Variants in ATP13A4 observed in about 807,000 individuals in gnomAD.
The protein encoded by ATP13A4 is probable cation-transporting ATPase 13A4.
In ATP13A4, 114 loss-of-function variants were observed where a neutral mutation model predicts 142.5. The ratio of observed to expected loss-of-function variants is 0.80; its 90% CI spans 0.69 to 0.93. ATP13A4 has a LOEUF of 0.93. ATP13A4 is among the 40% of genes least tolerant of loss of function. The pLI is 0.00. For missense variants in ATP13A4, 1,392 were observed against 1,454.0 expected (o/e 0.96, Z 0.69); for synonymous variants, 488 against 514.8 (o/e 0.95, Z 0.70).
intron 1 of ATP13A4, among the ~76,000 whole-genome samples, chr3:193,528,950 G>A (rs929075991): frequency 1.3e-5 from 2 of 151,996 alleles, no homozygotes; most frequent in Non-Finnish European, 2.9e-5. Context: ...TGGACCTACC[G>A]ATGTCCTCTA....
At chr3:193,403,669 A>C in intron 29 of ATP13A4, 1 of 793,944 alleles carries the variant, frequency 1.3e-6, no homozygotes, top group South Asian at 5.8e-5. Flanking sequence ...ATGCCATTTT[A>C]TTTCATGAGT....
rs150389156 is a variant in ATP13A4, at chr3:193,476,775, A to AAG, written c.809-5784_809-5783dup. ...CACAGGGAGTAGGGAGGCCTGAGGA[A>AAG]AGAGAGAGAGAGAGACAGGAATGGC... On this transcript the variant is annotated intron_variant, in intron 8 of 29. Transcript: ENST00000342695. Among the ~76,000 whole-genome samples, 129 of 151,004 alleles carry AAG rather than the reference A, an allele frequency of 8.5e-4. 3 individuals are homozygous for AAG. The highest frequency in any genetic ancestry group is 2.5e-3 in the African/African-American group (105 of 41,260).
Position 193,410,997 on chromosome 3 carries a change from T to C in ATP13A4, c.3282A>G (p.Leu1094=). The change falls in exon 28 of 30, where the codon TTA becomes TTG. Residue 1094 remains leucine (L), a synonymous_variant. Coordinates refer to ENST00000342695, the MANE Select transcript of ATP13A4 (RefSeq NM_032279.4). ...LFILFADIPE[L]YRRLDLLCTP... is the part of the protein sequence containing the mutation. ...TTAGACTTACATCCAAACGTCTATA[T>C]AATTCTGGTATATCAGCAAATAGAA... The C allele has an allele frequency of 6.2e-7, 1 of 1,605,710 alleles. No individual in the cohort carries two copies. Among genetic ancestry groups the C allele is most frequent in the Non-Finnish European group, 8.5e-7 (1 of 1,172,606 alleles).
At chr3:193,564,122 G>A (rs1444032336) in intron 2 of ATP13A4, among the ~76,000 whole-genome samples, 2 of 152,226 alleles carry the variant, frequency 1.3e-5, no homozygotes, top group African/African-American at 4.8e-5. Flanking sequence ...ATCAGAACAA[G>A]AGCATTCAGA....
intron 24 of ATP13A4, among the ~76,000 whole-genome samples, chr3:193,434,934 G>A (rs1716177209): frequency 6.6e-6 from 1 of 152,196 alleles, no homozygotes; most frequent in South Asian, 2.1e-4. Flanking sequence ...TAAATTTTCA[G>A]AGATGTTGTG....
At chr3:193,480,400 G>C (rs115133673) in intron 8 of ATP13A4, among the ~76,000 whole-genome samples, 1,976 of 152,038 alleles carry the variant, frequency 0.013, 48 homozygotes, top group African/African-American at 0.044. Flanking sequence ...CTAATACCCA[G>C]AATCTACGAG....
At chr3:193,574,279 T>A (rs1724349088) in intron 2 of ATP13A4, among the ~76,000 whole-genome samples, 3 of 152,270 alleles carry the variant, frequency 2.0e-5, no homozygotes. Context: ...AAGCTTTCTG[T>A]TGGCCACATC....
chr3:193,538,684 T>TTAA (rs893304538), intron 1 of ATP13A4, among the ~76,000 whole-genome samples: 1 of 151,640 alleles, frequency 6.6e-6, no homozygotes, highest in Non-Finnish European at 1.5e-5. Flanking sequence ...AAAGGAAAGG[T>TTAA]TAATAATAAT....
intron 2 of ATP13A4, among the ~76,000 whole-genome samples, chr3:193,571,410 A>G (rs1274125142): frequency 6.6e-6 from 1 of 152,200 alleles, no homozygotes; most frequent in Non-Finnish European, 1.5e-5. Flanking sequence ...CTCCTCAGAA[A>G]GGGCTACATA....
intron 1 of ATP13A4, among the ~76,000 whole-genome samples, chr3:193,524,845 T>C (rs1212121983): frequency 6.6e-6 from 1 of 152,204 alleles, no homozygotes. Flanking sequence ...CTCTCAGTGA[T>C]AGCCAGACAT....
Position 193,400,220 on chromosome 3 carries a change from G to C in ATP13A4, c.*2432C>G, listed in dbSNP as rs67932887. ...GGCACTCCCTGTTCCTTCAATTACT[G>C]CTTCTAAGATGTAGTTAATCCCAGG... is the stretch of plus-strand genomic sequence containing the variant. On this transcript the variant is annotated 3_prime_UTR_variant, in exon 30 of 30. Coordinates refer to ENST00000342695, the MANE Select transcript of ATP13A4 (RefSeq NM_032279.4). 2.0e-4 allele frequency among the ~76,000 whole-genome samples: 30 copies of C among 152,192 alleles called. No individual in the cohort carries two copies. Among genetic ancestry groups the C allele is most frequent in the Non-Finnish European group, 3.8e-4 (26 of 68,020 alleles).
Position 193,407,201 on chromosome 3 carries a change from C to T in ATP13A4, c.3378+112G>A, listed in dbSNP as rs1714540997. On this transcript the variant is annotated intron_variant, in intron 29 of 29. Coordinates refer to ENST00000342695, the MANE Select transcript of ATP13A4 (RefSeq NM_032279.4). ...ATACTGTGAAGGAAGGGAGCCCCTG[C>T]ACTGCTGAGTCCATGTCAGCTAAAG... 4.5e-6 allele frequency: 4 copies of T among 880,270 alleles called. No individual in the cohort carries two copies. In the African/African-American group the frequency reaches 5.0e-5, roughly 11 times the overall value. 54.5% of individuals were successfully genotyped at this position (880,270 alleles called of 1,614,324 possible).
At chr3:193,519,833 C>T (rs1721622338) in intron 1 of ATP13A4, among the ~76,000 whole-genome samples, 1 of 151,388 alleles carries the variant, frequency 6.6e-6, no homozygotes, top group Non-Finnish European at 1.5e-5. Context: ...TTAGTACAGA[C>T]GAGGTTTCAC....
chr3:193,461,627 A>G lies in ATP13A4; in HGVS notation c.1523+1135T>C, dbSNP rs560807012. The stretch of plus-strand genomic sequence containing the variant: ...ACAATTATTAAACTATGTGTAATTA[A>G]CATTTTATGGATAAATTACATGTCA... On this transcript the variant is annotated intron_variant, in intron 13 of 29. Coordinates refer to ENST00000342695, the MANE Select transcript of ATP13A4 (RefSeq NM_032279.4). Among the ~76,000 whole-genome samples, 5 of 152,376 alleles carry G rather than the reference A, an allele frequency of 3.3e-5. No homozygotes were observed. In the East Asian group the frequency reaches 9.6e-4, roughly 29 times the overall value.
intron 3 of ATP13A4, among the ~76,000 whole-genome samples, chr3:193,497,916 A>C (rs1416904406): frequency 1.3e-5 from 2 of 152,144 alleles, no homozygotes; most frequent in Non-Finnish European, 2.9e-5. Context: ...GGTTGGGGGG[A>C]ATAGCATAGA....
rs1720607724 is a variant in ATP13A4 at position 193,502,517 on chromosome 3, T to A, written c.357A>T (p.Arg119Ser). 2.5e-6 allele frequency: 4 copies of A among 1,614,094 alleles called. No homozygotes were observed. The highest frequency in any genetic ancestry group is 3.4e-6 in the Non-Finnish European group (4 of 1,179,972). Residue 119 changes from arginine to serine, a missense_variant, in exon 3 of 30, where the codon AGA (arginine) becomes AGT (serine). Arg to Ser is a moderately radical substitution (Grantham distance 110). Transcript: ENST00000342695. ...LMTDEEYIIN[R>S]AIRKPDLKVR... The stretch of plus-strand genomic sequence containing the variant: ...CCTTTAGGTCTGGCTTTCTTATGGC[T>A]CTATTTATGATATACTCCTCATCTG...
chr3:193,501,588 A>T (rs80266939), intron 3 of ATP13A4, among the ~76,000 whole-genome samples: 2 of 124,884 alleles, frequency 1.6e-5, no homozygotes, highest in East Asian at 2.6e-4. Flanking sequence ...AACTCCATTT[A>T]AAAAAAAAAA....
chr3:193,546,108 C>T (rs1288828014), intron 1 of ATP13A4, among the ~76,000 whole-genome samples: 1 of 151,698 alleles, frequency 6.6e-6, no homozygotes, highest in African/African-American at 2.4e-5. Flanking sequence ...GCCCAATTGT[C>T]TCATAGAAGT....
At chr3:193,406,497 C>A (rs926076393) in intron 29 of ATP13A4, among the ~76,000 whole-genome samples, 1 of 152,210 alleles carries the variant, frequency 6.6e-6, no homozygotes, top group African/African-American at 2.4e-5. Context: ...CCCCTGCCTA[C>A]CAACAGGCTT....
Sources: gnomAD v4.1 joint callset for allele counts (sites outside exome capture counted in the v4.1 genomes callset) on GRCh38, gnomAD v4.1.1 for gene constraint, MANE v1.5 for transcripts, NCBI Gene and HGNC (gene_info 2026-07-23, HGNC 2026-07-21) for gene names.